Variants in ZC3H12B observed in about 807,000 individuals in gnomAD.
ZC3H12B encodes the protein zinc finger CCCH-type containing 12B.
In ZC3H12B, 7 loss-of-function variants were observed where a neutral mutation model predicts 43.9. The observed-to-expected ratio is 0.16, with a 90% confidence interval of 0.09 to 0.30. ZC3H12B has a LOEUF of 0.30. Among genes scored for constraint, ZC3H12B ranks in the 10% least tolerant of loss-of-function variants. The probability of loss-of-function intolerance (pLI) is 1.00; values close to 1 mark genes in which losing one functional copy is unlikely to be tolerated. For synonymous variants in ZC3H12B, 222 were observed against 241.7 expected (o/e 0.92, Z 0.76); for missense variants, 475 against 670.2 (o/e 0.71, Z 3.22).
intron 3 of ZC3H12B, among the ~76,000 whole-genome samples, chrX:65,412,501 C>T (rs2066915432): frequency 9.0e-6 from 1 of 111,175 alleles, no homozygotes; most frequent in African/African-American, 3.3e-5. Flanking sequence ...TTTCACTCGC[C>T]CTGTTCCCCA....
At chrX:65,362,379 T>G (rs1370379331), upstream of ZC3H12B, among the ~76,000 whole-genome samples, 2 of 111,432 alleles carry the variant, frequency 1.8e-5, no homozygotes, top group African/African-American at 6.5e-5. Flanking sequence ...CCTCTTAAAA[T>G]TCCCCAACTC....
At chrX:65,090,690 T>A in the ZC3H12B span, among the ~76,000 whole-genome samples, 1 of 111,237 alleles carries the variant, frequency 9.0e-6, no homozygotes, top group African/African-American at 3.3e-5. Flanking sequence ...AAGTCAAGGA[T>A]CTTGAGATGG....
chrX:65,322,897 A>G, the ZC3H12B span, among the ~76,000 whole-genome samples: 1 of 111,473 alleles, frequency 9.0e-6, no homozygotes, highest in Non-Finnish European at 1.9e-5. Flanking sequence ...ATTATTTTTT[A>G]CTTCTTCAAC....
At chrX:65,393,746 C>T (rs1170518180) in intron 2 of ZC3H12B, among the ~76,000 whole-genome samples, 4 of 111,922 alleles carry the variant, frequency 3.6e-5, no homozygotes, top group Non-Finnish European at 7.5e-5. Flanking sequence ...CATGGTATTT[C>T]TGGTTCTAGA....
At chrX:65,340,479 C>A in the ZC3H12B span, among the ~76,000 whole-genome samples, 2 of 111,879 alleles carry the variant, frequency 1.8e-5, no homozygotes, top group East Asian at 5.7e-4. Flanking sequence ...AGTGGTCTGG[C>A]AGCACCTCCA....
chrX:65,095,169 G>A, the ZC3H12B span, among the ~76,000 whole-genome samples: 1 of 111,851 alleles, frequency 8.9e-6, no homozygotes, highest in Non-Finnish European at 1.9e-5. Flanking sequence ...TAAGTCAAAT[G>A]TTTTTATTTT....
chrX:65,372,953 G>A (rs904097678), intron 2 of ZC3H12B, among the ~76,000 whole-genome samples: 11 of 112,370 alleles, frequency 9.8e-5, no homozygotes, highest in African/African-American at 3.6e-4. Flanking sequence ...ATTCAGAGAA[G>A]AGTGAACTGA....
chrX:65,066,794 GCC>G, the ZC3H12B span, among the ~76,000 whole-genome samples: 3 of 112,013 alleles, frequency 2.7e-5, no homozygotes, highest in Non-Finnish European at 5.6e-5. Context: ...TTATCTATAA[GCC>G]CCTGACTGGG....
rs186025791 is a variant in ZC3H12B at position 65,416,716 on chromosome X, A to C, written n.407+18012A>C. Among the ~76,000 whole-genome samples, 533 of 108,463 alleles carry C rather than the reference A, an allele frequency of 4.9e-3. 2 individuals carry two copies. Among genetic ancestry groups the C allele is most frequent in the African/African-American group, 0.016 (466 of 29,751 alleles). 94.2% of individuals were successfully genotyped at this position (108,463 alleles called of 115,157 possible). A position where few individuals can be genotyped will look rare whatever the true frequency, so the allele number is the denominator to read the frequency against. On this transcript the variant is annotated intron_variant and non_coding_transcript_variant, in intron 3 of 5. Coordinates refer to the ZC3H12B transcript ENST00000617377. ...GAGGCAGGAGAATGGTGTGAACCGG[A>C]AGGCGGAGCTTGCAGTGAGCCGAGA...
At chrX:65,488,012 T>C (rs1240406826), upstream of ZC3H12B, among the ~76,000 whole-genome samples, 2 of 111,524 alleles carry the variant, frequency 1.8e-5, no homozygotes, top group South Asian at 3.8e-4. Context: ...GCTGGGACTA[T>C]AGGCGTCCGT....
At chrX:65,379,971 C>A (rs1176346637) in intron 2 of ZC3H12B, among the ~76,000 whole-genome samples, 2 of 112,219 alleles carry the variant, frequency 1.8e-5, no homozygotes, top group East Asian at 5.5e-4. Context: ...AAGACCAAAT[C>A]TACGTCTGAT....
chrX:65,457,828 G>A (rs1294876076), intron 3 of ZC3H12B, among the ~76,000 whole-genome samples: 1 of 63,129 alleles, frequency 1.6e-5, no homozygotes, highest in East Asian at 4.2e-4. Context: ...GATTAAGGGC[G>A]GTGCAAGATG....
At chrX:65,321,659 T>A in the ZC3H12B span, among the ~76,000 whole-genome samples, 9 of 108,104 alleles carry the variant, frequency 8.3e-5, no homozygotes, top group Admixed American at 8.9e-4. Context: ...TAAATGCTCA[T>A]CAATGGTAGA....
the ZC3H12B span, among the ~76,000 whole-genome samples, chrX:65,154,964 A>C: frequency 9.1e-6 from 1 of 109,491 alleles, no homozygotes; most frequent in South Asian, 3.8e-4. Context: ...CTAGTTTGCT[A>C]AGGTTTTTTT....
the ZC3H12B span, among the ~76,000 whole-genome samples, chrX:65,209,486 G>A: frequency 9.6e-5 from 9 of 94,109 alleles, no homozygotes; most frequent in African/African-American, 2.7e-4. Context: ...TAGTTGAGCG[G>A]CTTTGAGTGA....
chrX:65,156,043 C>A, the ZC3H12B span, among the ~76,000 whole-genome samples: 2 of 110,614 alleles, frequency 1.8e-5, no homozygotes, highest in African/African-American at 3.3e-5. Flanking sequence ...TTTAATTTCT[C>A]TGTGAATCAC....
the ZC3H12B span, among the ~76,000 whole-genome samples, chrX:65,286,837 A>T: frequency 9.0e-6 from 1 of 111,075 alleles, no homozygotes; most frequent in Admixed American, 9.6e-5. Context: ...AAGTAAAGGG[A>T]TGGAAAAAGT....
At chrX:65,093,198 C>A in the ZC3H12B span, among the ~76,000 whole-genome samples, 2 of 111,270 alleles carry the variant, frequency 1.8e-5, no homozygotes, top group South Asian at 3.9e-4. Flanking sequence ...TTGGAAGCCC[C>A]CACCTAGATT....
the ZC3H12B span, among the ~76,000 whole-genome samples, chrX:65,229,044 A>T: frequency 9.0e-6 from 1 of 110,928 alleles, no homozygotes; most frequent in Admixed American, 9.6e-5. Context: ...TTTAAAGTTC[A>T]TATGGAACCA....
Sources: gnomAD v4.1 joint callset for allele counts (sites outside exome capture counted in the v4.1 genomes callset) on GRCh38, gnomAD v4.1.1 for gene constraint, MANE v1.5 for transcripts, NCBI Gene and HGNC (gene_info 2026-07-23, HGNC 2026-07-21) for gene names.